Variants in ADCY5 observed in about 807,000 individuals in gnomAD.
ADCY5 encodes the protein adenylate cyclase 5.
In ADCY5, 30 loss-of-function variants were observed where a neutral mutation model predicts 119.7. That is an observed-to-expected ratio of 0.25 (90% confidence interval 0.19 to 0.34). The LOEUF is 0.34. Ranked by LOEUF, ADCY5 falls within the 10% of genes least tolerant of loss-of-function variation. The pLI is 1.00. For missense variants in ADCY5, 1,324 were observed against 1,775.2 expected, an observed-to-expected ratio of 0.75 and a Z score of 4.57; for synonymous variants, 753 against 762.2, an observed-to-expected ratio of 0.99 and a Z score of 0.20.
At chr3:123,431,939 C>T (rs1029108892) in intron 1 of ADCY5, among the ~76,000 whole-genome samples, 4 of 152,216 alleles carry the variant, frequency 2.6e-5, no homozygotes, top group African/African-American at 9.6e-5. Context: ...TCCTGGCGCA[C>T]AACAGAATCA....
chr3:123,408,529 G>A (rs926162346), intron 1 of ADCY5, among the ~76,000 whole-genome samples: 37 of 151,648 alleles, frequency 2.4e-4, no homozygotes, highest in African/African-American at 8.5e-4. Flanking sequence ...AGTGGCATGC[G>A]CCTGTAGTCC....
chr3:123,297,912 A>G (rs1004398748), intron 15 of ADCY5, among the ~76,000 whole-genome samples: 1 of 152,286 alleles, frequency 6.6e-6, no homozygotes, highest in Non-Finnish European at 1.5e-5. Flanking sequence ...TATTTTGGCT[A>G]TATAGTACTT....
At chr3:123,415,402 G>A (rs1161684474) in intron 1 of ADCY5, among the ~76,000 whole-genome samples, 1 of 152,132 alleles carries the variant, frequency 6.6e-6, no homozygotes, top group Non-Finnish European at 1.5e-5. Context: ...CTGTGGCCTC[G>A]GCCGATCAGA....
chr3:123,366,227 G>A (rs2107518795), intron 1 of ADCY5, among the ~76,000 whole-genome samples: 1 of 152,356 alleles, frequency 6.6e-6, no homozygotes, highest in Non-Finnish European at 1.5e-5. Context: ...CTGTTGGACA[G>A]CACTGCTGTT....
chr3:123,432,248 T>C lies in ADCY5; in HGVS notation c.1134+15164A>G, dbSNP rs79092352. Among the ~76,000 whole-genome samples the C allele has an allele frequency of 7.7e-3, 1,177 of 152,320 alleles. 15 individuals are homozygous for C. The highest frequency in any genetic ancestry group is 0.027 in the African/African-American group (1,115 of 41,556). On this transcript the variant is annotated intron_variant, in intron 1 of 20. Transcript: ENST00000462833. The stretch of plus-strand genomic sequence containing the variant: ...AATAAACAATCCTCTTTGGAATTTG[T>C]GTACTGATCCACACTCACATTTATT...
intron 1 of ADCY5, among the ~76,000 whole-genome samples, chr3:123,426,739 G>A (rs1008327685): frequency 2.0e-4 from 31 of 152,306 alleles, no homozygotes; most frequent in African/African-American, 7.2e-4. Flanking sequence ...CTATGTGGAG[G>A]TTGGCGCAAG....
chr3:123,439,076 C>CTTTTGTTTTTTTTTTT (rs1945675780), intron 1 of ADCY5, among the ~76,000 whole-genome samples: 1 of 64,728 alleles, frequency 1.5e-5, no homozygotes, highest in African/African-American at 6.5e-5. Context: ...CCCTAAAGTG[C>CTTTTGTTTTTTTTTTT]TTTTTTTTTT....
rs1941616028 is a variant in ADCY5 at position 123,328,765 on chromosome 3, G to A, written c.1684C>T (p.Arg562Cys). 1 of 1,614,232 alleles carries A rather than the reference G, an allele frequency of 6.2e-7. No homozygotes were observed. Among genetic ancestry groups the A allele is most frequent in the Non-Finnish European group, 8.5e-7 (1 of 1,180,042 alleles). ...ACTCGCCCGCTGTGAATTCCCACACGCATGTTCACGTTCACCCCTGTCACC... is the reference window on the plus strand; with the variant it reads ...ACTCGCCCGCTGTGAATTCCCACACACATGTTCACGTTCACCCCTGTCACC... ...REVTGVNVNM[R>C]VGIHSGRVHC... The change falls in exon 6 of 21, where the codon CGT becomes TGT. Residue 562 changes from arginine (R) to cysteine (C), a missense_variant. Coordinates refer to ENST00000462833, the MANE Select transcript of ADCY5 (RefSeq NM_183357.3).
chr3:123,353,937 G>C (rs1391375187), intron 1 of ADCY5, among the ~76,000 whole-genome samples: 2 of 152,002 alleles, frequency 1.3e-5, no homozygotes, highest in Non-Finnish European at 2.9e-5. Context: ...CCTATTTCAG[G>C]CTCTCACTCC....
rs755836005 is a variant in ADCY5, at chr3:123,447,841, G to A, written c.705C>T (p.Phe235=). 7 of 1,612,676 alleles carry A rather than the reference G, an allele frequency of 4.3e-6. No homozygotes were observed. In the Admixed American group the frequency reaches 1.0e-4, roughly 23 times the overall value. Residue 235 remains phenylalanine, a synonymous_variant, in exon 1 of 21, where the codon TTC becomes TTT. Transcript: ENST00000462833. ...KLERLYQRYF[F]RLNQSSLTML... ...TGGTGAGGCTGCTCTGGTTCAGGCG[G>A]AAGAAGTAGCGCTGGTACAGCCGCT...
chr3:123,297,503 A>G (rs1576535759), intron 15 of ADCY5, 121 bp from the exon 16 acceptor site: 2 of 1,123,632 alleles, frequency 1.8e-6, no homozygotes, highest in East Asian at 4.7e-5. Flanking sequence ...TTGGCTCCCC[A>G]GCCCCATTCA....
At position 123,352,649 on chromosome 3, in the gene ADCY5, T is replaced by G; in HGVS notation, c.1135-68A>C. On this transcript the variant is annotated intron_variant, in intron 1 of 20. Coordinates refer to ENST00000462833, the MANE Select transcript of ADCY5 (RefSeq NM_183357.3). The surrounding 1 kb of genome is among the most constrained non-coding windows in gnomAD (Gnocchi z 4.8). ...TTCCTGGCCCCAAAGCATGAAGCCC[T>G]CAGCCCCTGTCTCAGCAAACTCACA... The G allele has an allele frequency of 2.0e-6, 3 of 1,506,980 alleles. No individual in the cohort carries two copies. The highest frequency in any genetic ancestry group is 2.7e-6 in the Non-Finnish European group (3 of 1,119,982). 93.4% of individuals were successfully genotyped at this position (1,506,980 alleles called of 1,614,324 possible).
intron 1 of ADCY5, among the ~76,000 whole-genome samples, chr3:123,435,190 T>C (rs1177606848): frequency 6.6e-6 from 1 of 151,970 alleles, no homozygotes; most frequent in Non-Finnish European, 1.5e-5. Flanking sequence ...GAGGCTGAGA[T>C]GGAAGAATCA....
chr3:123,305,682 TGTAA>T (rs1450790311), intron 12 of ADCY5, among the ~76,000 whole-genome samples: 3 of 152,226 alleles, frequency 2.0e-5, no homozygotes, highest in Non-Finnish European at 4.4e-5. Context: ...CTCATTAGCT[TGTAA>T]GTAGACAGAG....
intron 12 of ADCY5, among the ~76,000 whole-genome samples, chr3:123,311,547 T>C (rs1490836192): frequency 6.6e-6 from 1 of 152,168 alleles, no homozygotes; most frequent in Non-Finnish European, 1.5e-5. Flanking sequence ...ATATTACAAA[T>C]GACTTCTCAA....
At chr3:123,334,851 G>A (rs1293311664) in intron 3 of ADCY5, among the ~76,000 whole-genome samples, 1 of 152,206 alleles carries the variant, frequency 6.6e-6, no homozygotes, top group African/African-American at 2.4e-5. Flanking sequence ...TGGAATGGTT[G>A]ATTGGGCTAA....
At chr3:123,333,521 C>T (rs1157963166) in intron 3 of ADCY5, among the ~76,000 whole-genome samples, 2 of 152,272 alleles carry the variant, frequency 1.3e-5, no homozygotes, top group Admixed American at 6.5e-5. Flanking sequence ...GGCCCTGGCA[C>T]TGGAGGGCCG....
intron 18 of ADCY5, 41 bp downstream of exon 18, chr3:123,291,072 C>A: frequency 6.3e-7 from 1 of 1,577,354 alleles, no homozygotes; most frequent in Non-Finnish European, 8.6e-7. Context: ...ACTTGTAGGC[C>A]CCTCCCAGGA....
chr3:123,399,982 C>G (rs1156331270), intron 1 of ADCY5, among the ~76,000 whole-genome samples: 3 of 152,166 alleles, frequency 2.0e-5, no homozygotes, highest in Non-Finnish European at 4.4e-5. Context: ...CCCCTGGACC[C>G]CTGGCCACTT....
Sources: allele counts gnomAD v4.1 joint callset (sites outside exome capture counted in the v4.1 genomes callset), GRCh38; gene constraint gnomAD v4.1.1; non-coding constraint Gnocchi (gnomAD v3.1); transcripts MANE v1.5; gene names NCBI Gene and HGNC (gene_info 2026-07-23, HGNC 2026-07-21).